Variants in RCN1 observed in about 807,000 individuals in gnomAD.
The protein encoded by RCN1 is reticulocalbin-1.
A neutral mutation model predicts 34.7 loss-of-function variants in RCN1; 14 were observed. The observed-to-expected ratio is 0.40, with a 90% confidence interval of 0.27 to 0.63. RCN1 has a LOEUF of 0.63. Among genes scored for constraint, RCN1 ranks in the 30% least tolerant of loss-of-function variants. The probability of loss-of-function intolerance (pLI) is 0.37; values close to 1 mark genes in which losing one functional copy is unlikely to be tolerated. For missense variants in RCN1, 326 were observed against 425.1 expected (o/e 0.77, Z 2.05); for synonymous variants, 125 against 165.5 (o/e 0.76, Z 1.88).
intron 1 of RCN1, among the ~76,000 whole-genome samples, chr11:32,094,088 G>A (rs924952300): frequency 6.6e-6 from 1 of 152,148 alleles, no homozygotes; most frequent in African/African-American, 2.4e-5. Context: ...GGTAGGAGGT[G>A]CTGGAAATTA....
At position 32,091,341 on chromosome 11, in the gene RCN1, C is replaced by G. The variant is rs1328685715; in HGVS notation, c.145C>G (p.Pro49Ala). The change falls in exon 1 of 6, where the codon CCC becomes GCC. Residue 49 changes from proline to alanine, a missense_variant. Pro to Ala is a conservative substitution (Grantham distance 27, BLOSUM62 -1). Transcript: ENST00000054950. ...VRPDSELGERPPEDNQSFQYD... is the reference protein window; with the variant it reads ...VRPDSELGERAPEDNQSFQYD... ...GCCCGACTCGGAGCTGGGCGAGCGG[C>G]CCCCTGAGGACAACCAGAGCTTCCA... 3.9e-6 allele frequency: 6 copies of G among 1,548,504 alleles called. No homozygotes were observed. The highest frequency in any genetic ancestry group is 5.2e-6 in the Non-Finnish European group (6 of 1,146,288).
At chr11:32,098,112 C>T (rs1851993544) in intron 2 of RCN1, among the ~76,000 whole-genome samples, 1 of 152,186 alleles carries the variant, frequency 6.6e-6, no homozygotes, top group South Asian at 2.1e-4. Flanking sequence ...AGTCTAAAGC[C>T]TGCGCTCTTA....
chr11:32,102,910 G>T, intron 4 of RCN1: 1 of 435,104 alleles, frequency 2.3e-6, no homozygotes. Flanking sequence ...CGCTTATGTA[G>T]TGCCAGTTTG....
At position 32,091,344 on chromosome 11, in the gene RCN1, CCT is replaced by C; in HGVS notation, c.149_150del (p.Pro50ArgfsTer39). The C allele has an allele frequency of 6.5e-7, 1 of 1,548,844 alleles. No homozygotes were observed. Among genetic ancestry groups the C allele is most frequent in the African/African-American group, 1.4e-5 (1 of 73,040 alleles). Reference protein sequence around the residue: ...RPDSELGERPPEDNQSFQYDH... With the variant: ...RPDSELGERPXEDNQSFQYDH... Reference sequence around the variant, plus strand: ...CGACTCGGAGCTGGGCGAGCGGCCCCCTGAGGACAACCAGAGCTTCCAGTACG... The same window carrying C: ...CGACTCGGAGCTGGGCGAGCGGCCCCGAGGACAACCAGAGCTTCCAGTACG... On this transcript the variant is annotated frameshift_variant, in exon 1 of 6. Coordinates refer to ENST00000054950, the MANE Select transcript of RCN1 (RefSeq NM_002901.4). LOFTEE classifies it high-confidence loss of function.
intron 4 of RCN1, chr11:32,102,738 T>C (rs1433790543): frequency 1.7e-5 from 5 of 299,058 alleles, no homozygotes; most frequent in Admixed American, 1.0e-4. Flanking sequence ...CTGTGGGTCA[T>C]TGGGTAAGAC....
In RCN1 at chr11:32,103,456, G is replaced by A; in HGVS notation, c.864G>A (p.Leu288=). Residue 288 remains leucine, a synonymous_variant, in exon 5 of 6, where the codon CTG becomes CTA. Coordinates refer to ENST00000054950, the MANE Select transcript of RCN1 (RefSeq NM_002901.4). ...ATGCACAGGCTGAGGCCAGGCATCT[G>A]GTATATGAATCAGACAAAAACAAGG... The part of the protein sequence containing the change: ...YDHAQAEARH[L]VYESDKNKDE... 6.2e-7 allele frequency: 1 copy of A among 1,613,868 alleles called. No individual in the cohort carries two copies. Among genetic ancestry groups the A allele is most frequent in the Non-Finnish European group, 8.5e-7 (1 of 1,179,752 alleles).
intron 3 of RCN1, among the ~76,000 whole-genome samples, chr11:32,098,863 GGCAACACCCA>G (rs1359961144): frequency 1.3e-5 from 2 of 152,020 alleles, no homozygotes; most frequent in Admixed American, 1.3e-4. Context: ...AAGTCATCCT[GGCAACACCCA>G]GCTGGCTGAC....
chr11:32,103,453 T>G lies in RCN1; in HGVS notation c.861T>G (p.His287Gln). ...ATCATGCACAGGCTGAGGCCAGGCA[T>G]CTGGTATATGAATCAGACAAAAACA... ...DYDHAQAEAR[H>Q]LVYESDKNKD... The change falls in exon 5 of 6, where the codon CAT becomes CAG. Residue 287 changes from histidine to glutamine, a missense_variant. Transcript: ENST00000054950. 2.5e-6 allele frequency: 4 copies of G among 1,613,930 alleles called. No homozygotes were observed. The highest frequency in any genetic ancestry group is 3.4e-6 in the Non-Finnish European group (4 of 1,179,800).
At chr11:32,096,230 T>C (rs1851971726) in intron 1 of RCN1, among the ~76,000 whole-genome samples, 1 of 152,204 alleles carries the variant, frequency 6.6e-6, no homozygotes, top group South Asian at 2.1e-4. Flanking sequence ...GGTGAAACTT[T>C]TTTAAACACT....
Position 32,104,768 on chromosome 11 carries a change from A to C in RCN1, c.*296A>C, listed in dbSNP as rs1852088840. 1 of 266,730 alleles carries C rather than the reference A, an allele frequency of 3.7e-6. No individual in the cohort carries two copies. The highest frequency in any genetic ancestry group is 7.4e-6 in the Non-Finnish European group (1 of 134,542). 16.5% of individuals were successfully genotyped at this position (266,730 alleles called of 1,614,324 possible). On this transcript the variant is annotated 3_prime_UTR_variant, in exon 6 of 6. Transcript: ENST00000054950. ...TTTTTTCTATTAAAACTTAAAGGGG[A>C]ACAAAACTTGAAAAAGCCCTGTTCT...
chr11:32,092,050 C>T (rs1472488523), intron 1 of RCN1, among the ~76,000 whole-genome samples: 1 of 151,980 alleles, frequency 6.6e-6, no homozygotes, highest in Admixed American at 6.6e-5. Flanking sequence ...AATCCCAGCA[C>T]TTTGGGAGGC....
rs981006674 is a variant in RCN1, at chr11:32,091,164, C to G, written c.-33C>G. 3 of 1,395,304 alleles carry G rather than the reference C, an allele frequency of 2.2e-6. No individual in the cohort carries two copies. The highest frequency in any genetic ancestry group is 2.8e-6 in the Non-Finnish European group (3 of 1,081,894). The allele number at this position is 1,395,304 out of a possible 1,614,324, so 86.4% of individuals were successfully genotyped here. A position where few individuals can be genotyped will look rare whatever the true frequency, so the allele number is the denominator to read the frequency against. ...GCTGCCGCTGTTGTCGCTCGCTCAG[C>G]GTCTCCCTCTCGGCCGCCCTCTCCT... On this transcript the variant is annotated 5_prime_UTR_variant, in exon 1 of 6. Coordinates refer to ENST00000054950, the MANE Select transcript of RCN1 (RefSeq NM_002901.4).
intron 1 of RCN1, among the ~76,000 whole-genome samples, chr11:32,094,283 C>T (rs915816177): frequency 6.6e-6 from 1 of 152,120 alleles, no homozygotes; most frequent in African/African-American, 2.4e-5. Flanking sequence ...GACACCTGGA[C>T]CAGAGGTTGC....
intron 1 of RCN1, among the ~76,000 whole-genome samples, chr11:32,093,985 G>A (rs1186203100): frequency 6.6e-6 from 1 of 152,198 alleles, no homozygotes; most frequent in Non-Finnish European, 1.5e-5. Context: ...GAGAGAGGTA[G>A]GAATCAAGGG....
intron 3 of RCN1, 117 bp from the exon 4 acceptor site, chr11:32,100,431 G>A: frequency 2.5e-6 from 2 of 795,040 alleles, no homozygotes; most frequent in East Asian, 2.5e-5. Context: ...GTAAGGCGAT[G>A]AGCCAGAAGT....
rs959769047 is a variant in RCN1, at chr11:32,105,169, T to C, written c.*697T>C. The C allele has an allele frequency of 6.0e-6, 1 of 167,110 alleles. No individual in the cohort carries two copies. Among genetic ancestry groups the C allele is most frequent in the African/African-American group, 2.4e-5 (1 of 41,450 alleles). The allele number at this position is 167,110 out of a possible 1,614,324, so 10.4% of individuals were successfully genotyped here. ...TAGGGAAAAGATGAATGTCAGACATTTGAAGAACTATAGTAAAATGATAAA... is the reference window on the plus strand; with the variant it reads ...TAGGGAAAAGATGAATGTCAGACATCTGAAGAACTATAGTAAAATGATAAA... On this transcript the variant is annotated 3_prime_UTR_variant, in exon 6 of 6. Transcript: ENST00000054950.
chr11:32,100,057 A>G (rs1487642022), intron 3 of RCN1, among the ~76,000 whole-genome samples: 1 of 152,254 alleles, frequency 6.6e-6, no homozygotes, highest in Non-Finnish European at 1.5e-5. Context: ...AAGTATACTA[A>G]ATACAGAGCA....
chr11:32,103,842 TGTCAGGAACAA>T (rs1852076367), intron 5 of RCN1, among the ~76,000 whole-genome samples: 1 of 152,236 alleles, frequency 6.6e-6, no homozygotes, highest in Admixed American at 6.5e-5. Context: ...ATCTGTGAGG[TGTCAGGAACAA>T]GGAAGCCCAT....
intron 4 of RCN1, chr11:32,102,558 T>G (rs893739739): frequency 6.5e-6 from 1 of 153,554 alleles, no homozygotes; most frequent in African/African-American, 2.4e-5. Flanking sequence ...CTTGCCATTT[T>G]GTACAATGGG....
Sources: gnomAD v4.1 joint callset for allele counts (sites outside exome capture counted in the v4.1 genomes callset) on GRCh38, gnomAD v4.1.1 for gene constraint, MANE v1.5 for transcripts, NCBI Gene and HGNC (gene_info 2026-07-23, HGNC 2026-07-21) for gene names.